SNX29: variants seen among roughly 807,000 people sequenced by gnomAD.
SNX29 encodes the protein sorting nexin 29.
In SNX29, 78 loss-of-function variants were observed where a neutral mutation model predicts 102.1. The observed-to-expected ratio is 0.76, with a 90% CI of 0.64 to 0.92. The LOEUF is 0.92. Ranked by LOEUF, SNX29 falls within the 40% of genes least tolerant of loss-of-function variation. The pLI is 0.00. For synonymous variants in SNX29, 580 were observed against 414.5 expected (o/e 1.40, Z -4.85); for missense variants, 1,280 against 1,061.7 (o/e 1.21, Z -2.86).
At chr16:12,505,265 G>A (rs2089319754) in intron 19 of SNX29, among the ~76,000 whole-genome samples, 1 of 152,136 alleles carries the variant, frequency 6.6e-6, no homozygotes, top group Non-Finnish European at 1.5e-5. Context: ...ATCACAAACT[G>A]GGTGGTTTAC....
At chr16:12,039,341 C>T (rs1279923600) in intron 4 of SNX29, among the ~76,000 whole-genome samples, 2 of 151,996 alleles carry the variant, frequency 1.3e-5, no homozygotes, top group African/African-American at 4.8e-5. Flanking sequence ...TCAGGCTTAG[C>T]ATGGTTGAGT....
At chr16:12,383,325 A>G (rs755914858) in intron 16 of SNX29, among the ~76,000 whole-genome samples, 15 of 152,242 alleles carry the variant, frequency 9.9e-5, no homozygotes, top group Non-Finnish European at 2.2e-4. Context: ...AAGACATAGC[A>G]TTATAAGAAT....
chr16:12,293,304 G>T (rs2079863496), intron 15 of SNX29, among the ~76,000 whole-genome samples: 1 of 152,198 alleles, frequency 6.6e-6, no homozygotes, highest in African/African-American at 2.4e-5. Context: ...GGTGGTGGAT[G>T]CTGAGGCTCA....
intron 1 of SNX29, among the ~76,000 whole-genome samples, chr16:11,990,352 T>C (rs1473138849): frequency 6.6e-6 from 1 of 152,170 alleles, no homozygotes; most frequent in African/African-American, 2.4e-5. Flanking sequence ...GGCTAGCAGC[T>C]GCCATCTTGA....
chr16:12,169,226 GA>G (rs1198088459), intron 13 of SNX29, among the ~76,000 whole-genome samples: 7 of 152,228 alleles, frequency 4.6e-5, no homozygotes, highest in Non-Finnish European at 8.8e-5. Context: ...GGAGAAGCCT[GA>G]CAAAGCTTCA....
intron 11 of SNX29, among the ~76,000 whole-genome samples, chr16:12,112,311 C>A (rs1265656287): frequency 6.6e-6 from 1 of 152,154 alleles, no homozygotes; most frequent in African/African-American, 2.4e-5. Flanking sequence ...CCTCCCCTCC[C>A]TCTTAAGTTT....
chr16:12,500,428 G>C (rs751761736), intron 19 of SNX29, among the ~76,000 whole-genome samples: 1 of 152,168 alleles, frequency 6.6e-6, no homozygotes, highest in Non-Finnish European at 1.5e-5. Flanking sequence ...CAGAAAGCCA[G>C]GGCTGGGACT....
At chr16:12,568,303 T>TAAA (rs10633753) in intron 20 of SNX29, among the ~76,000 whole-genome samples, 1,188 of 80,708 alleles carry the variant, frequency 0.015, 28 homozygotes, top group African/African-American at 0.044. Flanking sequence ...CGGAGTGCTG[T>TAAA]TAAAAAAAAA....
chr16:12,318,092 T>C (rs907904555), intron 15 of SNX29, among the ~76,000 whole-genome samples: 5 of 152,226 alleles, frequency 3.3e-5, no homozygotes, highest in Admixed American at 2.6e-4. Context: ...GTGCTGTGAC[T>C]GAGACATCCT....
chr16:12,572,809 G>A lies in SNX29; in HGVS notation c.*4180G>A, dbSNP rs183099969. On this transcript the variant is annotated 3_prime_UTR_variant, in exon 21 of 21. Transcript: ENST00000566228. ...TCCTCCTTCCCCAGTACATCAGACT[G>A]GTTAGGAGGCATCCCAGAAGGGGCA... The A allele has an allele frequency of 1.9e-6, 2 of 1,063,740 alleles. No individual in the cohort carries two copies. Among genetic ancestry groups the A allele is most frequent in the Non-Finnish European group, 2.3e-6 (2 of 878,340 alleles). The allele number at this position is 1,063,740 out of a possible 1,614,324, so 65.9% of individuals were successfully genotyped here.
At chr16:12,302,333 C>T (rs1403931778) in intron 15 of SNX29, among the ~76,000 whole-genome samples, 1 of 152,202 alleles carries the variant, frequency 6.6e-6, no homozygotes, top group African/African-American at 2.4e-5. Context: ...GTTTTTTGCA[C>T]TGACGCTGTA....
chr16:12,550,152 C>T lies in SNX29; in HGVS notation c.2319-18354C>T, dbSNP rs554650112. Reference sequence around the variant, plus strand: ...TGTAAAGGGAATACCTTCCATACCGCATGTAGTGATATGGAAAAAATCTCC... The same window carrying T: ...TGTAAAGGGAATACCTTCCATACCGTATGTAGTGATATGGAAAAAATCTCC... On this transcript the variant is annotated intron_variant, in intron 20 of 20. Transcript: ENST00000566228. Among the ~76,000 whole-genome samples, 7 of 152,316 alleles carry T rather than the reference C, an allele frequency of 4.6e-5. No individual in the cohort carries two copies. The South Asian group carries it at 1.5e-3, about 32-fold the overall frequency.
chr16:12,148,604 T>C (rs1268346259), intron 13 of SNX29, among the ~76,000 whole-genome samples: 1 of 152,252 alleles, frequency 6.6e-6, no homozygotes, highest in African/African-American at 2.4e-5. Flanking sequence ...ATTTCTTGTT[T>C]TCTAATACAT....
intron 13 of SNX29, among the ~76,000 whole-genome samples, chr16:12,146,263 T>TA (rs1481838821): frequency 7.4e-6 from 1 of 134,790 alleles, no homozygotes; most frequent in East Asian, 2.0e-4. Flanking sequence ...AAGTATATGA[T>TA]TTTTTTTTTT....
chr16:12,423,395 T>G (rs928644711), intron 18 of SNX29, among the ~76,000 whole-genome samples: 2 of 151,910 alleles, frequency 1.3e-5, no homozygotes, highest in Non-Finnish European at 2.9e-5. Flanking sequence ...CACTTCCAGA[T>G]GAGGAAGCTG....
At chr16:12,226,658 CT>C (rs1216288200) in intron 14 of SNX29, among the ~76,000 whole-genome samples, 1 of 151,472 alleles carries the variant, frequency 6.6e-6, no homozygotes, top group Non-Finnish European at 1.5e-5. Context: ...ACTGCAACCT[CT>C]GCCTCCTGGG....
At chr16:12,384,365 T>C (rs1048061347) in intron 16 of SNX29, among the ~76,000 whole-genome samples, 1 of 152,222 alleles carries the variant, frequency 6.6e-6, no homozygotes, top group Admixed American at 6.5e-5. Flanking sequence ...CTTTTCTCCA[T>C]ATCCTCGCCA....
chr16:12,240,052 T>C (rs1271665185), intron 14 of SNX29, among the ~76,000 whole-genome samples: 1 of 152,264 alleles, frequency 6.6e-6, no homozygotes, highest in Admixed American at 6.5e-5. Context: ...TCACTTGGTA[T>C]CATATCACGA....
At chr16:12,431,435 T>TTCTTC (rs1555535609) in intron 18 of SNX29, among the ~76,000 whole-genome samples, 1 of 115,796 alleles carries the variant, frequency 8.6e-6, no homozygotes, top group African/African-American at 4.0e-5. Flanking sequence ...CTTCTTCTTC[T>TTCTTC]TTTTTTTTTT....
Sources: gnomAD v4.1 joint callset for allele counts (sites outside exome capture counted in the v4.1 genomes callset) on GRCh38, gnomAD v4.1.1 for gene constraint, MANE v1.5 for transcripts, NCBI Gene and HGNC (gene_info 2026-07-23, HGNC 2026-07-21) for gene names.